UGGT2: variants seen among roughly 807,000 people sequenced by gnomAD.
The protein encoded by UGGT2 is UDP-glucose:glycoprotein glucosyltransferase 2.
Under a neutral mutation model 192.1 loss-of-function variants are expected in UGGT2, and 180 were observed. That is an observed-to-expected ratio of 0.94 (90% CI 0.83 to 1.06). The LOEUF (loss-of-function observed/expected upper bound fraction) is 1.06. Among genes scored for constraint, UGGT2 ranks in the 50% least tolerant of loss-of-function variants. The pLI is 0.00. For synonymous variants in UGGT2, 580 were observed against 591.0 expected (o/e 0.98, Z 0.27); for missense variants, 1,849 against 1,795.7 (o/e 1.03, Z -0.54).
At chr13:95,847,061 CTTTTTTTTTT>C (rs71113956) in intron 36 of UGGT2, among the ~76,000 whole-genome samples, 7 of 97,346 alleles carry the variant, frequency 7.2e-5, no homozygotes, top group African/African-American at 2.7e-4. Context: ...CTTTTCTTTT[CTTTTTTTTTT>C]TTATTTTACT....
intron 2 of UGGT2, among the ~76,000 whole-genome samples, chr13:96,026,168 A>AAAAC (rs980760200): frequency 1.3e-5 from 2 of 152,180 alleles, no homozygotes; most frequent in African/African-American, 2.4e-5. Context: ...TCTAGTTTAA[A>AAAAC]AAACAAACAA....
intron 33 of UGGT2, among the ~76,000 whole-genome samples, chr13:95,858,989 G>A (rs1447501969): frequency 6.6e-6 from 1 of 152,148 alleles, no homozygotes; most frequent in Non-Finnish European, 1.5e-5. Context: ...CCAAATTGCT[G>A]CGGAGACACT....
chr13:95,960,671 A>G (rs2050361556), intron 12 of UGGT2, among the ~76,000 whole-genome samples: 1 of 152,222 alleles, frequency 6.6e-6, no homozygotes, highest in African/African-American at 2.4e-5. Flanking sequence ...TGAGATTTAG[A>G]TATCCAAATA....
At chr13:95,894,948 G>A (rs913401044) in intron 23 of UGGT2, among the ~76,000 whole-genome samples, 68 of 152,088 alleles carry the variant, frequency 4.5e-4, no homozygotes, top group African/African-American at 1.6e-3. Flanking sequence ...AGACTGGGGT[G>A]GATGGGTAAG....
intron 38 of UGGT2, among the ~76,000 whole-genome samples, chr13:95,828,647 A>T (rs570238594): frequency 6.6e-6 from 1 of 152,174 alleles, no homozygotes; most frequent in Non-Finnish European, 1.5e-5. Flanking sequence ...ATAGACCAAG[A>T]ACAGACTCTG....
At chr13:95,851,724 G>C (rs771268063) in intron 36 of UGGT2, among the ~76,000 whole-genome samples, 4 of 152,182 alleles carry the variant, frequency 2.6e-5, no homozygotes, top group East Asian at 1.9e-4. Context: ...GAGGGAGTGG[G>C]AGCCAAACTA....
At chr13:95,847,189 G>A (rs1888560359) in intron 36 of UGGT2, among the ~76,000 whole-genome samples, 1 of 150,838 alleles carries the variant, frequency 6.6e-6, no homozygotes, top group Admixed American at 6.6e-5. Flanking sequence ...TTAAGAGGAA[G>A]GCACAGAGAT....
At chr13:95,853,693 G>A (rs771702472) in intron 35 of UGGT2, 36 bp from the exon 36 acceptor site, 1 of 1,447,112 alleles carries the variant, frequency 6.9e-7, no homozygotes, top group South Asian at 1.4e-5. Flanking sequence ...AGCCTATGTT[G>A]TTTATGTAGT....
At chr13:96,022,307 A>G (rs907494714) in intron 4 of UGGT2, among the ~76,000 whole-genome samples, 2 of 152,056 alleles carry the variant, frequency 1.3e-5, no homozygotes, top group Admixed American at 6.5e-5. Flanking sequence ...AAGAATTAGT[A>G]AAATCTCCCA....
At chr13:96,043,849 T>C (rs2053232586) in intron 1 of UGGT2, among the ~76,000 whole-genome samples, 1 of 152,018 alleles carries the variant, frequency 6.6e-6, no homozygotes, top group South Asian at 2.1e-4. Context: ...ATAATGGAGT[T>C]CCCAAATTTA....
At position 95,939,958 on chromosome 13, in the gene UGGT2, T is replaced by C. The variant is rs1244934240; in HGVS notation, c.1811A>G (p.Lys604Arg). 7 of 1,596,494 alleles carry C rather than the reference T, an allele frequency of 4.4e-6. No homozygotes were observed. Among genetic ancestry groups the C allele is most frequent in the Non-Finnish European group, 5.1e-6 (6 of 1,172,492 alleles). ...GIHSKYDEER[K>R]AGASFYKMTG... ...ACTTAACATAATGTCCCAACTTACCTTTCTTTCTTCATCATATTTAGAATG... is the reference window on the plus strand; with the variant it reads ...ACTTAACATAATGTCCCAACTTACCCTTCTTTCTTCATCATATTTAGAATG... Residue 604 changes from lysine to arginine, a missense_variant and splice_region_variant, in exon 16 of 39, where the codon AAG becomes AGG. Physicochemically the swap from Lys to Arg is conservative, Grantham distance 26 (BLOSUM62 2). Transcript: ENST00000376747.
At chr13:96,001,363 C>T (rs547736323) in intron 5 of UGGT2, among the ~76,000 whole-genome samples, 3 of 152,208 alleles carry the variant, frequency 2.0e-5, no homozygotes, top group East Asian at 3.9e-4. Context: ...CACTCCTGCC[C>T]TCCAGAGAAC....
At chr13:95,997,147 C>T (rs886821193) in intron 6 of UGGT2, among the ~76,000 whole-genome samples, 1 of 152,130 alleles carries the variant, frequency 6.6e-6, no homozygotes, top group Non-Finnish European at 1.5e-5. Context: ...CTTGTTTGTT[C>T]ATTCATTCAT....
chr13:95,963,243 G>T (rs2050458983), intron 12 of UGGT2, among the ~76,000 whole-genome samples: 2 of 151,926 alleles, frequency 1.3e-5, no homozygotes, highest in South Asian at 4.2e-4. Flanking sequence ...TGCAAGGATA[G>T]TTCAACATAC....
chr13:96,004,718 A>T (rs2051917847), intron 5 of UGGT2, among the ~76,000 whole-genome samples: 1 of 149,816 alleles, frequency 6.7e-6, no homozygotes, highest in Admixed American at 6.7e-5. Context: ...TGAAAAAAAG[A>T]ACAGAAAAAA....
intron 1 of UGGT2, among the ~76,000 whole-genome samples, chr13:96,032,182 A>T: frequency 6.6e-6 from 1 of 152,212 alleles, no homozygotes; most frequent in Admixed American, 6.5e-5. Flanking sequence ...ATAAACATAT[A>T]ATCATGTCAG....
intron 1 of UGGT2, among the ~76,000 whole-genome samples, chr13:96,050,707 T>TAAATG (rs2053458709): frequency 6.6e-6 from 1 of 152,230 alleles, no homozygotes; most frequent in Non-Finnish European, 1.5e-5. Context: ...AAGACATTTA[T>TAAATG]GCAACCAACA....
At chr13:95,923,747 T>C (rs922021768) in intron 20 of UGGT2, among the ~76,000 whole-genome samples, 12 of 152,184 alleles carry the variant, frequency 7.9e-5, no homozygotes, top group African/African-American at 2.9e-4. Flanking sequence ...TGACACAACA[T>C]TGTTTAACAT....
intron 38 of UGGT2, among the ~76,000 whole-genome samples, chr13:95,818,464 AAG>A (rs1402315109): frequency 6.6e-6 from 1 of 152,222 alleles, no homozygotes; most frequent in African/African-American, 2.4e-5. Context: ...CAGCAAAACT[AAG>A]AAACAGAAAA....
Sources: allele counts gnomAD v4.1 joint callset (sites outside exome capture counted in the v4.1 genomes callset), GRCh38; gene constraint gnomAD v4.1.1; transcripts MANE v1.5; gene names NCBI Gene and HGNC (gene_info 2026-07-23, HGNC 2026-07-21).